Variants in METTL6 observed in about 807,000 individuals in gnomAD.
METTL6 encodes methyltransferase 6, tRNA N3-cytidine.
METTL6 carries 22 observed loss-of-function variants against 26.4 expected under a neutral mutation model. The observed-to-expected ratio is 0.83, with a 90% CI of 0.59 to 1.19. METTL6 has a LOEUF of 1.19. Ranked by LOEUF, METTL6 falls within the 50% of genes most tolerant of loss-of-function variation. The pLI is 0.00. For missense variants in METTL6, 304 were observed against 324.8 expected (o/e 0.94, Z 0.49); for synonymous variants, 109 against 116.2 (o/e 0.94, Z 0.40).
At position 15,414,575 on chromosome 3, in the gene METTL6, G is replaced by A. The variant is rs577329099; in HGVS notation, c.532-413C>T. On this transcript the variant is annotated intron_variant, in intron 4 of 5. Transcript: ENST00000383790. ...TCACCATGTTGGCCAGGCTAGTCTC[G>A]AACTCCTGACCTCAAGTAATTTGCC... 28 of 265,754 alleles carry A rather than the reference G, an allele frequency of 1.1e-4. No individual in the cohort carries two copies. The East Asian group carries it at 2.4e-3, about 23-fold the overall frequency. 16.5% of individuals were successfully genotyped at this position (265,754 alleles called of 1,614,324 possible).
At position 15,426,640 on chromosome 3, in the gene METTL6, G is replaced by A. The variant is rs745553520; in HGVS notation, c.-124-5C>T. ...CGCCTCAAACAGCACAGGGGGCTTCGCAGAGAAAAGAATTAGATTCTGGTT... is the reference window on the plus strand; with the variant it reads ...CGCCTCAAACAGCACAGGGGGCTTCACAGAGAAAAGAATTAGATTCTGGTT... On this transcript the variant is annotated splice_region_variant and splice_polypyrimidine_tract_variant and intron_variant, in intron 1 of 5. Coordinates refer to ENST00000383790, the MANE Select transcript of METTL6 (RefSeq NM_152396.4). The A allele has an allele frequency of 7.5e-5, 59 of 784,648 alleles. No individual in the cohort carries two copies. Among genetic ancestry groups the A allele is most frequent in the Non-Finnish European group, 9.8e-5 (48 of 490,834 alleles). The allele number at this position is 784,648 out of a possible 1,614,324, so 48.6% of individuals were successfully genotyped here.
chr3:15,385,594 T>C (rs1699171124), intron 6 of METTL6, among the ~76,000 whole-genome samples: 1 of 152,030 alleles, frequency 6.6e-6, no homozygotes, highest in African/African-American at 2.4e-5. Flanking sequence ...CAAGATTCCA[T>C]CTAAAACAAA....
chr3:15,389,381 G>A (rs1378194183), intron 6 of METTL6, among the ~76,000 whole-genome samples: 2 of 152,074 alleles, frequency 1.3e-5, no homozygotes, highest in African/African-American at 2.4e-5. Flanking sequence ...AAGGAAAAAC[G>A]ATCGTTTTCC....
rs1416785995 is a variant in METTL6 at position 15,414,884 on chromosome 3, T to A, written c.532-722A>T. On this transcript the variant is annotated intron_variant, in intron 4 of 5. Coordinates refer to ENST00000383790, the MANE Select transcript of METTL6 (RefSeq NM_152396.4). ...CTGCAGTGAGCCACGTCCATGCCACTGCACTCCAGCCTGAGTGACACAGCA... is the reference window on the plus strand; with the variant it reads ...CTGCAGTGAGCCACGTCCATGCCACAGCACTCCAGCCTGAGTGACACAGCA... The A allele has an allele frequency of 3.2e-6, 3 of 925,740 alleles. No homozygotes were observed. In the Admixed American group the frequency reaches 7.7e-5, roughly 24 times the overall value. 57.3% of individuals were successfully genotyped at this position (925,740 alleles called of 1,614,324 possible). A position where few individuals can be genotyped will look rare whatever the true frequency, so the allele number is the denominator to read the frequency against.
At chr3:15,419,363 ATTTT>A (rs928564030) in intron 3 of METTL6, among the ~76,000 whole-genome samples, 1 of 152,186 alleles carries the variant, frequency 6.6e-6, no homozygotes, top group Non-Finnish European at 1.5e-5. Flanking sequence ...GTGGGTGGGA[ATTTT>A]TGCCTGTCTG....
intron 6 of METTL6, chr3:15,399,544 T>TTGTGTGTGTGTGTGTGTGTG (rs34014434): frequency 4.2e-5 from 5 of 118,560 alleles, no homozygotes; most frequent in African/African-American, 1.6e-4. Context: ...CCAGGAGAAA[T>TTGTGTGTGTGTGTGTGTGTG]TGTGTGTGTG....
intron 1 of METTL6, among the ~76,000 whole-genome samples, chr3:15,426,990 C>T (rs1407900012): frequency 6.6e-6 from 1 of 152,206 alleles, no homozygotes; most frequent in Admixed American, 6.5e-5. Context: ...ACCACAATGG[C>T]CTTAGCTGGA....
chr3:15,405,127 T>C (rs2124942196), downstream of METTL6, among the ~76,000 whole-genome samples: 1 of 152,234 alleles, frequency 6.6e-6, no homozygotes, highest in Middle Eastern at 3.4e-3. Flanking sequence ...CACAAAACCA[T>C]TTGGGGATAG....
intron 6 of METTL6, among the ~76,000 whole-genome samples, chr3:15,403,641 A>G (rs1048051211): frequency 1.3e-5 from 2 of 152,162 alleles, no homozygotes; most frequent in Non-Finnish European, 2.9e-5. Context: ...CTGTTTCCCT[A>G]CCTTCTAGCA....
intron 1 of METTL6, 104 bp from the exon 2 acceptor site, chr3:15,426,739 C>G: frequency 1.8e-6 from 1 of 565,432 alleles, no homozygotes; most frequent in Non-Finnish European, 3.1e-6. Flanking sequence ...AAAAAAAATC[C>G]TTCCCGCTAT....
chr3:15,393,921 G>A (rs2124909982), intron 6 of METTL6, among the ~76,000 whole-genome samples: 1 of 152,260 alleles, frequency 6.6e-6, no homozygotes, highest in East Asian at 1.9e-4. Flanking sequence ...GAGGATTTTT[G>A]CATCGATGTT....
intron 6 of METTL6, among the ~76,000 whole-genome samples, chr3:15,401,536 C>CAAAAAAA (rs35578326): frequency 7.7e-4 from 55 of 71,756 alleles, no homozygotes; most frequent in Non-Finnish European, 9.1e-4. Flanking sequence ...ATGTTCACGC[C>CAAAAAAA]AAAAAAAAAA....
chr3:15,411,831 C>T (rs748429193), intron 5 of METTL6, among the ~76,000 whole-genome samples: 1 of 151,802 alleles, frequency 6.6e-6, no homozygotes, highest in Admixed American at 6.6e-5. Flanking sequence ...AGCACGATCT[C>T]GGCTCACTGC....
intron 3 of METTL6, among the ~76,000 whole-genome samples, chr3:15,416,845 G>A (rs1182866916): frequency 6.6e-6 from 1 of 152,064 alleles, no homozygotes; most frequent in Non-Finnish European, 1.5e-5. Flanking sequence ...GTTACTGGAT[G>A]GGAAAATTAA....
chr3:15,408,667 T>C (rs1195198072), downstream of METTL6, among the ~76,000 whole-genome samples: 1 of 149,220 alleles, frequency 6.7e-6, no homozygotes, highest in Non-Finnish European at 1.5e-5. Flanking sequence ...CTCCAACTCC[T>C]GGGCTCATGG....
intron 6 of METTL6, among the ~76,000 whole-genome samples, chr3:15,388,239 T>C (rs1247203188): frequency 6.6e-6 from 1 of 152,020 alleles, no homozygotes; most frequent in Non-Finnish European, 1.5e-5. Context: ...GCCTACTGAG[T>C]AGCTGGGATT....
chr3:15,405,858 A>C (rs528053217), downstream of METTL6, among the ~76,000 whole-genome samples: 3 of 152,306 alleles, frequency 2.0e-5, no homozygotes, highest in Admixed American at 2.0e-4. Context: ...ACTAGGTACT[A>C]AGATCTCAGT....
intron 3 of METTL6, 89 bp downstream of exon 3, chr3:15,424,866 T>G (rs73144111): frequency 0.1 from 160,614 of 1,568,946 alleles, 8,870 homozygotes; most frequent in East Asian, 0.19. Context: ...CAGGGAAGAC[T>G]AGAATTGGGC....
chr3:15,392,694 C>T (rs1315699680), intron 6 of METTL6, among the ~76,000 whole-genome samples: 1 of 152,146 alleles, frequency 6.6e-6, no homozygotes, highest in Non-Finnish European at 1.5e-5. Flanking sequence ...GGAAGGGATC[C>T]AGTTTCAGCT....
Sources: gnomAD v4.1 joint callset for allele counts (sites outside exome capture counted in the v4.1 genomes callset) on GRCh38, gnomAD v4.1.1 for gene constraint, MANE v1.5 for transcripts, NCBI Gene and HGNC (gene_info 2026-07-23, HGNC 2026-07-21) for gene names.